The following SLX4IP variants were observed in gnomAD, a reference collection of about 807,000 sequenced individuals.
SLX4IP encodes the protein SLX4 interacting protein.
SLX4IP carries 34 observed loss-of-function variants against 32.9 expected under a neutral mutation model. The observed-to-expected ratio is 1.03, with a 90% CI of 0.79 to 1.38. SLX4IP has a LOEUF of 1.38. Among genes scored for constraint, SLX4IP ranks in the 40% most tolerant of loss-of-function variants. The pLI is 0.00. For synonymous variants in SLX4IP, 172 were observed against 171.7 expected (o/e 1.00, Z -0.01); for missense variants, 444 against 479.0 (o/e 0.93, Z 0.68).
rs2066993361 is a variant in SLX4IP at position 10,613,630 on chromosome 20, C to T, written c.406-7684C>T. On this transcript the variant is annotated intron_variant, in intron 6 of 7. Coordinates refer to ENST00000334534, the MANE Select transcript of SLX4IP (RefSeq NM_001009608.3). ...TTTCTGCTCATTTCTGCTTCTTTGG[C>T]CTCTTCCTGAGCCCTCCTTTTCTTT... 2.5e-6 allele frequency: 4 copies of T among 1,613,904 alleles called. No individual in the cohort carries two copies. In the South Asian group the frequency reaches 3.3e-5, roughly 13 times the overall value.
intron 2 of SLX4IP, among the ~76,000 whole-genome samples, chr20:10,524,315 C>T (rs1225467844): frequency 2.0e-5 from 3 of 152,242 alleles, no homozygotes; most frequent in Non-Finnish European, 4.4e-5. Context: ...GGACTCTTCT[C>T]AGGCTCTGTT....
chr20:10,598,010 G>A (rs1347701561), intron 4 of SLX4IP, among the ~76,000 whole-genome samples: 1 of 152,208 alleles, frequency 6.6e-6, no homozygotes, highest in Non-Finnish European at 1.5e-5. Flanking sequence ...AAATAGGTAT[G>A]AACTGCTTCT....
chr20:10,462,496 C>G (rs1346487677), intron 2 of SLX4IP, among the ~76,000 whole-genome samples: 2 of 152,210 alleles, frequency 1.3e-5, no homozygotes, highest in Non-Finnish European at 2.9e-5. Flanking sequence ...AACTAGGAGA[C>G]AGTAGAACAA....
At chr20:10,475,709 T>C (rs185842142) in intron 2 of SLX4IP, among the ~76,000 whole-genome samples, 6 of 152,168 alleles carry the variant, frequency 3.9e-5, no homozygotes, top group African/African-American at 1.4e-4. Context: ...TCTGCCCCAA[T>C]AGCAAACTTC....
chr20:10,455,168 T>A (rs1046484256), intron 1 of SLX4IP, among the ~76,000 whole-genome samples: 8 of 152,204 alleles, frequency 5.3e-5, no homozygotes, highest in African/African-American at 1.7e-4. Context: ...AGATTTTTTT[T>A]CTATTCTGTG....
intron 2 of SLX4IP, among the ~76,000 whole-genome samples, chr20:10,473,501 A>G (rs1568697278): frequency 6.6e-6 from 1 of 152,178 alleles, no homozygotes; most frequent in Non-Finnish European, 1.5e-5. Context: ...ATTCATCTTC[A>G]TTGTCATAAA....
chr20:10,554,639 G>T (rs2066249482), intron 2 of SLX4IP, among the ~76,000 whole-genome samples: 1 of 151,400 alleles, frequency 6.6e-6, no homozygotes, highest in South Asian at 2.1e-4. Context: ...CATTCTGGTG[G>T]GTATTGTAGT....
intron 5 of SLX4IP, among the ~76,000 whole-genome samples, chr20:10,599,385 T>C (rs1447154409): frequency 6.6e-6 from 1 of 152,212 alleles, no homozygotes; most frequent in Non-Finnish European, 1.5e-5. Flanking sequence ...ATTATCTGCA[T>C]TTTCTTAACT....
intron 4 of SLX4IP, among the ~76,000 whole-genome samples, chr20:10,590,768 T>C (rs907222646): frequency 1.3e-5 from 2 of 152,168 alleles, no homozygotes; most frequent in Non-Finnish European, 2.9e-5. Flanking sequence ...TTAGAATAAA[T>C]GACTAAATTG....
At chr20:10,470,575 C>T (rs1483288599) in intron 2 of SLX4IP, among the ~76,000 whole-genome samples, 2 of 152,164 alleles carry the variant, frequency 1.3e-5, no homozygotes. Flanking sequence ...TTAATAGTTA[C>T]CTTAAACACT....
At chr20:10,601,593 A>G (rs916567041) in intron 5 of SLX4IP, 138 bp from the exon 6 acceptor site, 3 of 664,182 alleles carry the variant, frequency 4.5e-6, no homozygotes, top group African/African-American at 3.6e-5. Flanking sequence ...CACCGAAAGG[A>G]TGGGAGGAGA....
intron 4 of SLX4IP, among the ~76,000 whole-genome samples, chr20:10,580,499 C>CTTTTTTTT (rs71186104): frequency 7.4e-6 from 1 of 134,854 alleles, no homozygotes; most frequent in Non-Finnish European, 1.6e-5. Context: ...TAGACTTACC[C>CTTTTTTTT]TTTTTTTTTT....
intron 6 of SLX4IP, among the ~76,000 whole-genome samples, chr20:10,616,669 G>A (rs75936644): frequency 0.023 from 3,520 of 152,006 alleles, 101 homozygotes; most frequent in African/African-American, 0.069. Flanking sequence ...TACCCAAAAT[G>A]CTCTTCCCCG....
At chr20:10,453,362 C>G (rs548798600) in intron 1 of SLX4IP, among the ~76,000 whole-genome samples, 1 of 137,596 alleles carries the variant, frequency 7.3e-6, no homozygotes, top group African/African-American at 2.7e-5. Context: ...CTCTCCCCTG[C>G]GGCCTGCTCT....
rs578097148 is a variant in SLX4IP at position 10,572,702 on chromosome 20, C to T, written c.238+11882C>T. ...TAAATTTTCCTGGGTACTGTGGTTT[C>T]TGTCTGCAGTGGCCTGCTTTTTGGC... is the stretch of plus-strand genomic sequence containing the variant. On this transcript the variant is annotated intron_variant, in intron 4 of 7. Transcript: ENST00000334534. 2.0e-5 allele frequency among the ~76,000 whole-genome samples: 3 copies of T among 152,310 alleles called. No individual in the cohort carries two copies. The South Asian group carries it at 6.2e-4, about 32-fold the overall frequency.
chr20:10,470,508 T>C (rs1284865709), intron 2 of SLX4IP, among the ~76,000 whole-genome samples: 1 of 152,238 alleles, frequency 6.6e-6, no homozygotes, highest in Non-Finnish European at 1.5e-5. Context: ...CTTTGTCCCA[T>C]GTGAGTGTCA....
intron 2 of SLX4IP, among the ~76,000 whole-genome samples, chr20:10,527,317 A>G (rs140861672): frequency 6.6e-6 from 1 of 152,366 alleles, no homozygotes; most frequent in East Asian, 1.9e-4. Flanking sequence ...TAAAAATACG[A>G]AGAACAACTC....
chr20:10,471,463 T>A (rs943941975), intron 2 of SLX4IP, among the ~76,000 whole-genome samples: 2 of 152,224 alleles, frequency 1.3e-5, no homozygotes, highest in African/African-American at 4.8e-5. Flanking sequence ...ATGAGCCCAG[T>A]AATTTTTTTC....
intron 3 of SLX4IP, among the ~76,000 whole-genome samples, chr20:10,557,493 C>T (rs760071602): frequency 1.5e-4 from 23 of 152,226 alleles, no homozygotes; most frequent in Non-Finnish European, 2.6e-4. Context: ...ACATCTCCTA[C>T]TGCCACTTAC....
Sources: gnomAD v4.1 joint callset for allele counts (sites outside exome capture counted in the v4.1 genomes callset) on GRCh38, gnomAD v4.1.1 for gene constraint, MANE v1.5 for transcripts, NCBI Gene and HGNC (gene_info 2026-07-23, HGNC 2026-07-21) for gene names.